The following FRMD3 variants were observed in gnomAD, a reference collection of about 807,000 sequenced individuals.
FRMD3 encodes the protein FERM domain containing 3, also known as FERM domain-containing protein 3.
FRMD3 carries 33 observed loss-of-function variants against 70.2 expected under a neutral mutation model. That is an observed-to-expected ratio of 0.47 (90% CI 0.36 to 0.63). FRMD3 has a LOEUF of 0.63. Among genes scored for constraint, FRMD3 ranks in the 20% least tolerant of loss-of-function variants. The pLI is 0.00. For synonymous variants in FRMD3, 279 were observed against 255.9 expected (o/e 1.09, Z -0.86); for missense variants, 632 against 711.4 (o/e 0.89, Z 1.27).
chr9:83,371,044 T>A (rs1209773817), intron 3 of FRMD3, among the ~76,000 whole-genome samples: 1 of 152,252 alleles, frequency 6.6e-6, no homozygotes, highest in Non-Finnish European at 1.5e-5. Flanking sequence ...AGTATTGAAA[T>A]GCCTTCAAAG....
chr9:83,243,291 G>T (rs936687178), downstream of FRMD3: 1 of 1,418,800 alleles, frequency 7.0e-7, no homozygotes, highest in East Asian at 2.5e-5. Context: ...AGTAAGCAGC[G>T]ACCTTCAGCA....
At chr9:83,531,346 T>C (rs1829787871) in intron 1 of FRMD3, among the ~76,000 whole-genome samples, 1 of 152,252 alleles carries the variant, frequency 6.6e-6, no homozygotes, top group African/African-American at 2.4e-5. Context: ...GCAGCTAATA[T>C]TATTGTATTC....
At chr9:83,243,249 A>G, downstream of FRMD3, 1 of 1,547,484 alleles carries the variant, frequency 6.5e-7, no homozygotes, top group Non-Finnish European at 8.7e-7. Flanking sequence ...AGAGAAAAGG[A>G]GAGAGGGAGA....
chr9:83,274,000 T>G (rs1338858008), intron 13 of FRMD3, among the ~76,000 whole-genome samples: 1 of 152,130 alleles, frequency 6.6e-6, no homozygotes, highest in Admixed American at 6.5e-5. Context: ...TTACATTTTT[T>G]TATAGAGACG....
intron 1 of FRMD3, among the ~76,000 whole-genome samples, chr9:83,526,026 A>C (rs1829676823): frequency 6.6e-6 from 1 of 152,198 alleles, no homozygotes; most frequent in South Asian, 2.1e-4. Flanking sequence ...GGTAACTTTC[A>C]TTCCTTATAT....
chr9:83,268,530 G>T (rs1367248486), intron 13 of FRMD3, among the ~76,000 whole-genome samples: 1 of 152,220 alleles, frequency 6.6e-6, no homozygotes, highest in Non-Finnish European at 1.5e-5. Flanking sequence ...TTAAATACAT[G>T]TGATGAAATA....
At chr9:83,351,687 T>TTATA (rs1554691504) in intron 3 of FRMD3, among the ~76,000 whole-genome samples, 1 of 145,594 alleles carries the variant, frequency 6.9e-6, no homozygotes, top group African/African-American at 2.6e-5. Context: ...GATAGTTACA[T>TTATA]GATAGATAGA....
At chr9:83,548,051 C>G in the FRMD3 span, among the ~76,000 whole-genome samples, 2 of 152,066 alleles carry the variant, frequency 1.3e-5, no homozygotes, top group Non-Finnish European at 2.9e-5. Context: ...GGATAAGACC[C>G]AAAACTGACA....
At chr9:83,447,626 G>A (rs933998205) in intron 1 of FRMD3, among the ~76,000 whole-genome samples, 2 of 152,212 alleles carry the variant, frequency 1.3e-5, no homozygotes, top group Non-Finnish European at 2.9e-5. Context: ...TGAAGCACAG[G>A]AGGTCAAGGG....
chr9:83,548,445 C>T, the FRMD3 span, among the ~76,000 whole-genome samples: 1 of 152,044 alleles, frequency 6.6e-6, no homozygotes, highest in African/African-American at 2.4e-5. Context: ...ATATTAAATG[C>T]ATATCACTAA....
chr9:83,544,560 A>G, the FRMD3 span, among the ~76,000 whole-genome samples: 1 of 152,220 alleles, frequency 6.6e-6, no homozygotes, highest in Admixed American at 6.5e-5. Context: ...TCTGCCACAG[A>G]AGCTCTTACC....
intron 5 of FRMD3, among the ~76,000 whole-genome samples, chr9:83,341,156 C>T (rs1423161326): frequency 6.6e-6 from 1 of 152,164 alleles, no homozygotes; most frequent in Non-Finnish European, 1.5e-5. Flanking sequence ...GAAGTACTCA[C>T]CCGAGAATCA....
At chr9:83,583,331 C>G in the FRMD3 span, among the ~76,000 whole-genome samples, 5 of 152,234 alleles carry the variant, frequency 3.3e-5, no homozygotes, top group Admixed American at 3.3e-4. Flanking sequence ...CAGACATGTC[C>G]CATTCCTGCC....
At chr9:83,375,639 G>A (rs1825118518) in intron 2 of FRMD3, among the ~76,000 whole-genome samples, 2 of 152,120 alleles carry the variant, frequency 1.3e-5, no homozygotes, top group Admixed American at 1.3e-4. Context: ...AATACCACAT[G>A]TTCTCACTTA....
chr9:83,307,369 T>A (rs1265557751), intron 10 of FRMD3, among the ~76,000 whole-genome samples: 1 of 152,226 alleles, frequency 6.6e-6, no homozygotes, highest in African/African-American at 2.4e-5. Flanking sequence ...CCAATGCTCG[T>A]AGCAGCATTA....
chr9:83,475,377 C>T (rs1294731439), intron 1 of FRMD3, among the ~76,000 whole-genome samples: 1 of 151,616 alleles, frequency 6.6e-6, no homozygotes, highest in Non-Finnish European at 1.5e-5. Flanking sequence ...TGGGTTACAG[C>T]AAAAAGACCC....
At chr9:83,267,177 T>A in intron 13 of FRMD3, 1 of 1,550,550 alleles carries the variant, frequency 6.4e-7, no homozygotes, top group Non-Finnish European at 8.7e-7. Flanking sequence ...TCGGCCTGCA[T>A]GGCCCAGGGC....
chr9:83,358,189 G>C (rs1053659720), intron 3 of FRMD3, among the ~76,000 whole-genome samples: 1 of 152,106 alleles, frequency 6.6e-6, no homozygotes, highest in Admixed American at 6.6e-5. Flanking sequence ...GTTGAACAGG[G>C]TGTCCTTTCC....
chr9:83,385,334 T>G (rs1825481203), intron 2 of FRMD3, among the ~76,000 whole-genome samples: 1 of 152,170 alleles, frequency 6.6e-6, no homozygotes, highest in African/African-American at 2.4e-5. Flanking sequence ...TATACAAGTT[T>G]CTTAGAAGAT....
Sources: gnomAD v4.1 joint callset for allele counts (sites outside exome capture counted in the v4.1 genomes callset) on GRCh38, gnomAD v4.1.1 for gene constraint, MANE v1.5 for transcripts, NCBI Gene and HGNC (gene_info 2026-07-23, HGNC 2026-07-21) for gene names.